GBA1: variants seen among roughly 807,000 people sequenced by gnomAD.
The protein encoded by GBA1 is lysosomal acid glucosylceramidase.
chr1:155,236,457 G>T, the GBA1 span: 17 of 1,613,902 alleles, frequency 1.1e-5, no homozygotes, highest in East Asian at 3.8e-4. Context: ...GCTGCTTCTG[G>T]GTCTGTCAGT....
chr1:155,236,227 G>A, the GBA1 span: 6 of 1,604,136 alleles, frequency 3.7e-6, no homozygotes, highest in Non-Finnish European at 5.1e-6. Context: ...TGCAGGAAGG[G>A]AGACTGGGGT....
At chr1:155,235,787 C>A in the GBA1 span, 1 of 1,614,214 alleles carries the variant, frequency 6.2e-7, no homozygotes, top group East Asian at 2.2e-5. Flanking sequence ...TTGGGTCCTC[C>A]TTCGGGGTTC....
At chr1:155,242,619 A>ATTT in the GBA1 span, among the ~76,000 whole-genome samples, 9 of 142,150 alleles carry the variant, frequency 6.3e-5, no homozygotes, top group Non-Finnish European at 1.4e-4. Flanking sequence ...TCCTCCAGTA[A>ATTT]TTTTTTTTTT....
the GBA1 span, chr1:155,241,210 C>T: frequency 2.5e-6 from 3 of 1,202,810 alleles, no homozygotes; most frequent in Non-Finnish European, 3.7e-6. Context: ...CAGGTACCTG[C>T]CTTAGCTATA....
At chr1:155,237,274 T>C in the GBA1 span, 1 of 1,612,736 alleles carries the variant, frequency 6.2e-7, no homozygotes, top group Middle Eastern at 1.7e-4. Flanking sequence ...CGCTCTAAGT[T>C]TGGGAGCCAG....
chr1:155,241,224 A>C, the GBA1 span: 2 of 1,009,732 alleles, frequency 2.0e-6, no homozygotes. Flanking sequence ...AGCTATAGGC[A>C]CTAGGTTAGC....
chr1:155,235,524 C>T, the GBA1 span: 9 of 1,100,588 alleles, frequency 8.2e-6, no homozygotes, highest in African/African-American at 3.3e-5. Context: ...TACCTAGTCA[C>T]TTCCTGCCTC....
the GBA1 span, among the ~76,000 whole-genome samples, chr1:155,240,898 C>T: frequency 6.6e-6 from 1 of 152,162 alleles, no homozygotes; most frequent in Non-Finnish European, 1.5e-5. Flanking sequence ...AACTCTCTGC[C>T]CACCCCAAAT....
the GBA1 span, chr1:155,240,860 C>A: frequency 2.3e-6 from 2 of 865,388 alleles, no homozygotes; most frequent in South Asian, 2.7e-5. Context: ...AACCTGGGTG[C>A]AGCTCTCCCT....
chr1:155,242,687 G>A, the GBA1 span, among the ~76,000 whole-genome samples: 1 of 149,270 alleles, frequency 6.7e-6, no homozygotes, highest in Non-Finnish European at 1.5e-5. Flanking sequence ...GTGTGATCTC[G>A]GCTCAAGCAA....
At chr1:155,235,361 A>G in the GBA1 span, 6 of 1,601,386 alleles carry the variant, frequency 3.7e-6, no homozygotes, top group Non-Finnish European at 5.1e-6. Flanking sequence ...CTCCCATGAA[A>G]CCCTCATCTA....
At chr1:155,241,063 T>A in the GBA1 span, 11 of 1,607,162 alleles carry the variant, frequency 6.8e-6, no homozygotes, top group Non-Finnish European at 8.5e-7. Flanking sequence ...GTGACAATGC[T>A]GATTGGGAGC....
the GBA1 span, chr1:155,239,838 T>C: frequency 3.8e-5 from 61 of 1,613,772 alleles, no homozygotes; most frequent in Non-Finnish European, 5.0e-5. Context: ...ACCATTTACC[T>C]CTAGGAGGAC....
At chr1:155,238,887 G>A in the GBA1 span, 1 of 576,136 alleles carries the variant, frequency 1.7e-6, no homozygotes, top group Admixed American at 3.1e-5. Context: ...ATTAAAACAG[G>A]AACCAAATGT....
the GBA1 span, chr1:155,237,617 G>A: frequency 1.9e-6 from 3 of 1,610,866 alleles, no homozygotes; most frequent in Non-Finnish European, 2.5e-6. Context: ...GGCCAAGAAA[G>A]TGGACCAGAC....
At chr1:155,240,331 G>A in the GBA1 span, 1 of 603,264 alleles carries the variant, frequency 1.7e-6, no homozygotes, top group South Asian at 2.0e-5. Context: ...GGGCGTAGTG[G>A]TGGCCGCCTG....
At chr1:155,243,031 C>T in the GBA1 span, among the ~76,000 whole-genome samples, 1 of 152,246 alleles carries the variant, frequency 6.6e-6, no homozygotes, top group Non-Finnish European at 1.5e-5. Flanking sequence ...ATAACTCCTA[C>T]CTCACAGAAT....
At chr1:155,237,230 G>C in the GBA1 span, 3 of 1,570,698 alleles carry the variant, frequency 1.9e-6, no homozygotes, top group Non-Finnish European at 2.6e-6. Flanking sequence ...CCAGGGGAAT[G>C]GTGCTCTAGG....
the GBA1 span, chr1:155,238,555 G>A: frequency 3.7e-6 from 6 of 1,613,492 alleles, no homozygotes; most frequent in Non-Finnish European, 3.4e-6. Context: ...CTGAAGTTGT[G>A]CAACTGGAAA....
Sources: gnomAD v4.1 joint callset for allele counts (sites outside exome capture counted in the v4.1 genomes callset) on GRCh38, gnomAD v4.1.1 for gene constraint, MANE v1.5 for transcripts, NCBI Gene and HGNC (gene_info 2026-07-23, HGNC 2026-07-21) for gene names.